TMEM171: variants seen among roughly 807,000 people sequenced by gnomAD.
The protein encoded by TMEM171 is proline-rich protein PRP2.
In TMEM171, 16 loss-of-function variants were observed where a neutral mutation model predicts 19.1. That is an observed-to-expected ratio of 0.84 (90% CI 0.57 to 1.27). The LOEUF (loss-of-function observed/expected upper bound fraction) is 1.27. TMEM171 is among the 50% of genes most tolerant of loss of function. The probability of loss-of-function intolerance (pLI) is 0.00; values close to 1 mark genes in which losing one functional copy is unlikely to be tolerated. For synonymous variants in TMEM171, 153 were observed against 163.4 expected (o/e 0.94, Z 0.48); for missense variants, 429 against 412.7 (o/e 1.04, Z -0.34).
chr5:73,123,469 GT>G lies in TMEM171; in HGVS notation c.98del (p.Leu33CysfsTer42). 6.2e-7 allele frequency: 1 copy of G among 1,613,308 alleles called. No individual in the cohort carries two copies. The highest frequency in any genetic ancestry group is 1.3e-5 in the African/African-American group (1 of 75,044). ...GCTTCTTTGTCTTCGGCGCCGTCTT[GT>G]TGTGTGTGGGAGTCCTGCTCTCCAT... is the stretch of plus-strand genomic sequence containing the variant. Reference protein sequence around the residue: ...FCFFVFGAVLLCVGVLLSIFG... With the variant: ...FCFFVFGAVLXCVGVLLSIFG... On this transcript the variant is annotated frameshift_variant, in exon 2 of 4. Transcript: ENST00000454765. LOFTEE classifies it high-confidence loss of function.
At chr5:73,130,661 G>T (rs991467796) in intron 3 of TMEM171, among the ~76,000 whole-genome samples, 1 of 152,120 alleles carries the variant, frequency 6.6e-6, no homozygotes, top group African/African-American at 2.4e-5. Flanking sequence ...TCTGATGGGA[G>T]AGGGAAAGAG....
rs370555811 is a variant in TMEM171 at position 73,131,694 on chromosome 5, A to T, written c.939A>T (p.Thr313=). 46 of 1,613,670 alleles carry T rather than the reference A, an allele frequency of 2.9e-5. No homozygotes were observed. Among genetic ancestry groups the T allele is most frequent in the Non-Finnish European group, 3.9e-5 (46 of 1,179,884 alleles). The part of the protein sequence containing the change: ...RYEEKENAAA[T]FLPLSSEPSP... ...AAGAAAAAGAAAATGCTGCAGCTAC[A>T]TTCTTGCCTCTATCTTCTGAGCCTT... The change falls in exon 4 of 4, where the codon ACA becomes ACT. Residue 313 remains threonine (T), a synonymous_variant. Coordinates refer to ENST00000454765, the MANE Select transcript of TMEM171 (RefSeq NM_173490.8).
At chr5:73,128,701 A>T (rs1428861489) in intron 3 of TMEM171, among the ~76,000 whole-genome samples, 170 bp downstream of exon 3, 1 of 152,082 alleles carries the variant, frequency 6.6e-6, no homozygotes, top group Non-Finnish European at 1.5e-5. Context: ...TGGGCAGCAC[A>T]TAAGTTAAAA....
intron 1 of TMEM171, 126 bp downstream of exon 1, chr5:73,120,822 C>T (rs1743988280): frequency 1.8e-5 from 15 of 836,816 alleles, no homozygotes; most frequent in South Asian, 5.4e-5. Context: ...CAACCTGCGT[C>T]CCTGCGAGCC....
chr5:73,131,716 C>A lies in TMEM171; in HGVS notation c.961C>A (p.Pro321Thr), dbSNP rs1210843771. The A allele has an allele frequency of 5.6e-6, 9 of 1,610,522 alleles. No individual in the cohort carries two copies. The highest frequency in any genetic ancestry group is 7.6e-6 in the Non-Finnish European group (9 of 1,178,660). Residue 321 changes from proline to threonine, a missense_variant, in exon 4 of 4, where the codon CCT becomes ACT. Pro to Thr is a conservative substitution (Grantham distance 38). Coordinates refer to ENST00000454765, the MANE Select transcript of TMEM171 (RefSeq NM_173490.8). ...TACATTCTTGCCTCTATCTTCTGAG[C>A]CTTCCCCACCGTAAACTATGGACTC... is the stretch of plus-strand genomic sequence containing the variant. ...AATFLPLSSE[P>T]SPP
At chr5:73,129,373 T>C (rs1744272018) in intron 3 of TMEM171, among the ~76,000 whole-genome samples, 1 of 152,160 alleles carries the variant, frequency 6.6e-6, no homozygotes, top group African/African-American at 2.4e-5. Flanking sequence ...CCTATGCAAA[T>C]GTCTGATTGG....
Position 73,123,406 on chromosome 5 carries a change from G to A in TMEM171, c.33G>A (p.Gly11=), listed in dbSNP as rs1196553388. 1.2e-6 allele frequency: 2 copies of A among 1,613,758 alleles called. No homozygotes were observed. The highest frequency in any genetic ancestry group is 1.7e-5 in the Admixed American group (1 of 60,010). Residue 11 remains glycine (G), a synonymous_variant, in exon 2 of 4, where the codon GGG becomes GGA. Transcript: ENST00000454765. ...CTGCAGCTGCTGCTGAGCCAGATGG[G>A]GACCAGCAGGACAGACACGTCAGCA... The part of the protein sequence containing the change: MSPAAAAEPD[G]DQQDRHVSKL...
At chr5:73,122,679 G>A (rs899492454) in intron 1 of TMEM171, among the ~76,000 whole-genome samples, 1 of 152,180 alleles carries the variant, frequency 6.6e-6, no homozygotes, top group Admixed American at 6.5e-5. Context: ...GATTACAGGC[G>A]CAAGCCACCA....
intron 3 of TMEM171, among the ~76,000 whole-genome samples, chr5:73,130,311 G>A (rs562297285): frequency 3.3e-5 from 5 of 152,166 alleles, no homozygotes; most frequent in Non-Finnish European, 7.3e-5. Context: ...CAGGGAGCAG[G>A]GCTGGAGAAG....
intron 3 of TMEM171, 88 bp from the exon 4 acceptor site, chr5:73,131,450 G>A (rs1744352469): frequency 9.5e-7 from 1 of 1,052,178 alleles, no homozygotes; most frequent in Non-Finnish European, 1.3e-6. Flanking sequence ...TTAAGTGCAT[G>A]TAATCAAACA....
At chr5:73,124,642 A>G (rs1323790464) in intron 2 of TMEM171, among the ~76,000 whole-genome samples, 2 of 152,088 alleles carry the variant, frequency 1.3e-5, no homozygotes, top group Non-Finnish European at 2.9e-5. Context: ...TTTTTGTGAC[A>G]TCATCCGTGG....
chr5:73,129,564 ATTC>A (rs1472773750), intron 3 of TMEM171, among the ~76,000 whole-genome samples: 1 of 152,144 alleles, frequency 6.6e-6, no homozygotes, highest in East Asian at 1.9e-4. Flanking sequence ...TCCACACCCT[ATTC>A]TTCTGCTCCA....
chr5:73,127,382 A>AAT (rs1421223787), intron 2 of TMEM171, among the ~76,000 whole-genome samples: 20 of 68,260 alleles, frequency 2.9e-4, no homozygotes, highest in African/African-American at 1.3e-3. Context: ...AAAAAAAAAA[A>AAT]AAATATATAT....
chr5:73,126,620 A>G (rs1337131690), intron 2 of TMEM171, among the ~76,000 whole-genome samples: 2 of 152,046 alleles, frequency 1.3e-5, no homozygotes, highest in Non-Finnish European at 2.9e-5. Flanking sequence ...CCTTCCTTCT[A>G]TCTGTCCTGT....
chr5:73,123,739 C>A lies in TMEM171; in HGVS notation c.366C>A (p.Ser122Arg), dbSNP rs1281794027. The A allele has an allele frequency of 6.2e-7, 1 of 1,614,038 alleles. No individual in the cohort carries two copies. Among genetic ancestry groups the A allele is most frequent in the Non-Finnish European group, 8.5e-7 (1 of 1,180,022 alleles). ...TCTTTGGGTTTCTGTTCTTGACAAG[C>A]GGCATGCTCATCAGCGTCCTGGGCA... is the stretch of plus-strand genomic sequence containing the variant. ...CLIFGFLFLT[S>R]GMLISVLGIW... Residue 122 changes from serine to arginine, a missense_variant, in exon 2 of 4, where the codon AGC becomes AGA. Physicochemically the swap from Ser to Arg is moderately radical, Grantham distance 110. Transcript: ENST00000454765.
intron 2 of TMEM171, 137 bp downstream of exon 2, chr5:73,124,150 ACCCC>A: frequency 4.1e-6 from 3 of 729,168 alleles, no homozygotes; most frequent in Non-Finnish European, 6.3e-6. Flanking sequence ...ACACGCACAC[ACCCC>A]CATCATGTGT....
intron 2 of TMEM171, among the ~76,000 whole-genome samples, chr5:73,126,761 G>A (rs1469108744): frequency 6.6e-6 from 1 of 152,196 alleles, no homozygotes; most frequent in African/African-American, 2.4e-5. Context: ...CATCAGACAT[G>A]CTAGGAGTGT....
intron 2 of TMEM171, among the ~76,000 whole-genome samples, chr5:73,127,384 A>AAAAAAAAAAAAAATATATATATATATAT: frequency 2.4e-5 from 2 of 81,696 alleles, no homozygotes; most frequent in Non-Finnish European, 4.4e-5. Flanking sequence ...AAAAAAAAAA[A>AAAAAAAAAAAAAATATATATATATATAT]ATATATATAT....
At chr5:73,128,181 T>A (rs545872949) in intron 2 of TMEM171, among the ~76,000 whole-genome samples, 101 of 152,210 alleles carry the variant, frequency 6.6e-4, no homozygotes, top group Non-Finnish European at 1.3e-3. Flanking sequence ...CCCACTCCCT[T>A]CCTCCTCCCG....
Sources: allele counts gnomAD v4.1 joint callset (sites outside exome capture counted in the v4.1 genomes callset), GRCh38; gene constraint gnomAD v4.1.1; transcripts MANE v1.5; gene names NCBI Gene and HGNC (gene_info 2026-07-23, HGNC 2026-07-21).